PCNX2: variants seen among roughly 807,000 people sequenced by gnomAD.
PCNX2 encodes the protein pecanex 2.
In PCNX2, 168 loss-of-function variants were observed where a neutral mutation model predicts 223.8. The ratio of observed to expected loss-of-function variants is 0.75; its 90% confidence interval spans 0.66 to 0.85. The LOEUF (loss-of-function observed/expected upper bound fraction) is 0.85. PCNX2 is among the 40% of genes least tolerant of loss of function. The probability of loss-of-function intolerance (pLI) is 0.00; values close to 1 mark genes in which losing one functional copy is unlikely to be tolerated. For synonymous variants in PCNX2, 1,006 were observed against 1,052.6 expected (o/e 0.96, Z 0.86); for missense variants, 2,507 against 2,675.5 (o/e 0.94, Z 1.39).
At chr1:233,094,998 T>A (rs1213754980) in intron 22 of PCNX2, among the ~76,000 whole-genome samples, 3 of 152,188 alleles carry the variant, frequency 2.0e-5, no homozygotes, top group Non-Finnish European at 4.4e-5. Context: ...CTAAATTCAC[T>A]GGGAAGGAAA....
upstream of PCNX2, among the ~76,000 whole-genome samples, chr1:233,299,219 C>T (rs192634162): frequency 1.3e-5 from 2 of 152,290 alleles, no homozygotes; most frequent in East Asian, 3.9e-4. Flanking sequence ...CTCTCATCCT[C>T]CTCTCTCTCA....
intron 21 of PCNX2, among the ~76,000 whole-genome samples, chr1:233,111,204 T>C (rs1675095549): frequency 6.6e-6 from 1 of 152,100 alleles, no homozygotes; most frequent in Admixed American, 6.5e-5. Context: ...CTCTTATTAG[T>C]TGTGAGATGG....
At chr1:233,219,191 G>A (rs575570465) in intron 10 of PCNX2, among the ~76,000 whole-genome samples, 27 of 152,258 alleles carry the variant, frequency 1.8e-4, no homozygotes, top group African/African-American at 6.3e-4. Flanking sequence ...GGGGCTACAG[G>A]GCTGGATCAT....
At chr1:233,169,058 CAT>C (rs1280367088) in intron 17 of PCNX2, among the ~76,000 whole-genome samples, 3 of 152,160 alleles carry the variant, frequency 2.0e-5, no homozygotes. Flanking sequence ...AAATGATACA[CAT>C]ATAATTTGCC....
At chr1:233,093,853 C>T (rs982640303) in intron 22 of PCNX2, among the ~76,000 whole-genome samples, 7 of 152,112 alleles carry the variant, frequency 4.6e-5, no homozygotes, top group African/African-American at 1.4e-4. Context: ...ATCTGCATCT[C>T]GAATGTTTCC....
chr1:233,199,186 C>T (rs762271071), intron 14 of PCNX2, 156 bp from the exon 15 acceptor site: 15 of 219,256 alleles, frequency 6.8e-5, no homozygotes, highest in Non-Finnish European at 1.5e-5. Context: ...CACTGGGTGA[C>T]TCACAGGTGC....
chr1:233,092,932 G>T (rs1673949062), intron 22 of PCNX2, among the ~76,000 whole-genome samples: 1 of 152,222 alleles, frequency 6.6e-6, no homozygotes, highest in Admixed American at 6.5e-5. Context: ...CCCAGTAGCT[G>T]GGTACACAGG....
At chr1:233,070,538 G>T (rs950665990) in intron 23 of PCNX2, among the ~76,000 whole-genome samples, 10 of 151,940 alleles carry the variant, frequency 6.6e-5, no homozygotes, top group African/African-American at 2.4e-4. Context: ...TTTATTCCAG[G>T]GATGCAAGAC....
At chr1:232,992,391 G>T (rs1252990251) in intron 32 of PCNX2, among the ~76,000 whole-genome samples, 1 of 152,164 alleles carries the variant, frequency 6.6e-6, no homozygotes, top group Non-Finnish European at 1.5e-5. Flanking sequence ...CTTATAAGTG[G>T]AACCCTTGCC....
intron 28 of PCNX2, among the ~76,000 whole-genome samples, chr1:233,012,973 C>A (rs899441568): frequency 5.9e-5 from 9 of 152,136 alleles, no homozygotes; most frequent in Non-Finnish European, 1.2e-4. Flanking sequence ...TAATAAGGAG[C>A]CCGATCTTAG....
chr1:233,247,727 A>C (rs1401728788), intron 8 of PCNX2, among the ~76,000 whole-genome samples: 2 of 152,070 alleles, frequency 1.3e-5, no homozygotes, highest in South Asian at 2.1e-4. Context: ...AAAATACAAA[A>C]ATTAGCCAGG....
chr1:233,001,250 C>T lies in PCNX2; in HGVS notation c.5097+287G>A, dbSNP rs951506975. Among the ~76,000 whole-genome samples, 15 of 152,242 alleles carry T rather than the reference C, an allele frequency of 9.9e-5. No individual in the cohort carries two copies. The highest frequency in any genetic ancestry group is 2.0e-4 in the Admixed American group (3 of 15,280). ...ATCCCAGCACTTTGGGAGGCTAAGG[C>T]GGGCAGATCACTTAAGGTCGGGAGT... On this transcript the variant is annotated intron_variant, in intron 29 of 33. Transcript: ENST00000258229. The surrounding 1 kb of genome is among the most constrained non-coding windows in gnomAD (Gnocchi z 4.2).
chr1:233,120,584 A>G (rs528745586), intron 21 of PCNX2, among the ~76,000 whole-genome samples: 1 of 152,326 alleles, frequency 6.6e-6, no homozygotes, highest in South Asian at 2.1e-4. Context: ...GTACCTACCC[A>G]TGAAAAGTAA....
At chr1:233,202,015 ACATC>A in intron 13 of PCNX2, 4 of 342,164 alleles carry the variant, frequency 1.2e-5, no homozygotes. Flanking sequence ...CCTCTCCAAA[ACATC>A]CTGGAGGAGG....
At chr1:233,257,664 G>C (rs1041664108) in intron 5 of PCNX2, among the ~76,000 whole-genome samples, 2 of 152,170 alleles carry the variant, frequency 1.3e-5, no homozygotes, top group Non-Finnish European at 2.9e-5. Context: ...ATTTGTCTTA[G>C]AATCAACTTT....
At chr1:233,207,477 T>C (rs774074255) in intron 13 of PCNX2, among the ~76,000 whole-genome samples, 6 of 152,216 alleles carry the variant, frequency 3.9e-5, no homozygotes, top group Admixed American at 6.5e-5. Context: ...TGGATGTCTC[T>C]GCAAGAATTC....
chr1:233,161,879 C>A (rs1321590639), intron 17 of PCNX2, among the ~76,000 whole-genome samples: 1 of 151,458 alleles, frequency 6.6e-6, no homozygotes, highest in African/African-American at 2.4e-5. Context: ...TTTCTTATTG[C>A]TTTGGACTAG....
At chr1:233,309,787 A>C in the PCNX2 span, among the ~76,000 whole-genome samples, 1 of 151,940 alleles carries the variant, frequency 6.6e-6, no homozygotes, top group Non-Finnish European at 1.5e-5. Context: ...CTGAGGTGTG[A>C]GAATTGCTTG....
At chr1:233,233,424 CTGTGTGTGTG>C (rs57458756) in intron 9 of PCNX2, among the ~76,000 whole-genome samples, 2,165 of 140,208 alleles carry the variant, frequency 0.015, 29 homozygotes, top group South Asian at 0.048. Flanking sequence ...TCCTCTTCTC[CTGTGTGTGTG>C]TGTGTGTGTG....
Sources: allele counts gnomAD v4.1 joint callset (sites outside exome capture counted in the v4.1 genomes callset), GRCh38; gene constraint gnomAD v4.1.1; non-coding constraint Gnocchi (gnomAD v3.1); transcripts MANE v1.5; gene names NCBI Gene and HGNC (gene_info 2026-07-23, HGNC 2026-07-21).